The following CRTC3 variants were observed in gnomAD, a reference collection of about 807,000 sequenced individuals.
CRTC3 encodes CREB regulated transcription coactivator 3, also known as CREB-regulated transcription coactivator 3.
A neutral mutation model predicts 74.5 loss-of-function variants in CRTC3; 26 were observed. The observed-to-expected ratio is 0.35, with a 90% CI of 0.26 to 0.48. The LOEUF is 0.48. Among genes scored for constraint, CRTC3 ranks in the 20% least tolerant of loss-of-function variants. The probability of loss-of-function intolerance (pLI) is 0.99; values close to 1 mark genes in which losing one functional copy is unlikely to be tolerated. For synonymous variants in CRTC3, 377 were observed against 325.8 expected, an observed-to-expected ratio of 1.16 and a Z score of -1.69; for missense variants, 760 against 787.3, an observed-to-expected ratio of 0.97 and a Z score of 0.41.
chr15:90,553,832 G>A (rs954520746), intron 2 of CRTC3, among the ~76,000 whole-genome samples: 13 of 152,194 alleles, frequency 8.5e-5, no homozygotes, highest in Admixed American at 3.9e-4. Context: ...GAAGAGATGG[G>A]AATGTTTCCT....
chr15:90,584,196 C>T (rs1967606374), intron 2 of CRTC3, among the ~76,000 whole-genome samples: 1 of 151,456 alleles, frequency 6.6e-6, no homozygotes, highest in South Asian at 2.1e-4. Flanking sequence ...AGGAACCTGC[C>T]TTACTTCCTA....
intron 3 of CRTC3, among the ~76,000 whole-genome samples, chr15:90,600,825 G>A (rs1330070698): frequency 6.6e-6 from 1 of 152,220 alleles, no homozygotes; most frequent in Non-Finnish European, 1.5e-5. Context: ...ACTGCCGAAT[G>A]TATATTTAAT....
chr15:90,600,011 C>T (rs1968026772), intron 3 of CRTC3, among the ~76,000 whole-genome samples: 1 of 152,188 alleles, frequency 6.6e-6, no homozygotes, highest in Non-Finnish European at 1.5e-5. Context: ...TTTTGTCTGT[C>T]ACGGGCCTTA....
At chr15:90,624,908 A>C (rs1298720923) in intron 9 of CRTC3, 1 of 152,642 alleles carries the variant, frequency 6.6e-6, no homozygotes, top group African/African-American at 2.4e-5. Flanking sequence ...ATAGGCTGGG[A>C]TAGCTATGTG....
chr15:90,545,390 T>C (rs1966842447), intron 2 of CRTC3, among the ~76,000 whole-genome samples: 2 of 140,610 alleles, frequency 1.4e-5, no homozygotes, highest in African/African-American at 2.6e-5. Context: ...ATATGACAAT[T>C]GTGGTTTTAA....
At chr15:90,640,675 C>T (rs1462273113) in intron 13 of CRTC3, among the ~76,000 whole-genome samples, 1 of 128,340 alleles carries the variant, frequency 7.8e-6, no homozygotes, top group African/African-American at 3.6e-5. Context: ...GAGACCCTAT[C>T]TTTAAAAAAA....
intron 1 of CRTC3, among the ~76,000 whole-genome samples, chr15:90,532,633 C>T (rs908720013): frequency 6.6e-6 from 1 of 152,142 alleles, no homozygotes; most frequent in African/African-American, 2.4e-5. Flanking sequence ...TTCACCTAGG[C>T]GTTACTTATC....
chr15:90,612,561 A>C (rs1166655295), intron 6 of CRTC3, among the ~76,000 whole-genome samples: 1 of 151,562 alleles, frequency 6.6e-6, no homozygotes, highest in Non-Finnish European at 1.5e-5. Context: ...TAATAATTAA[A>C]CCTCGAGTGA....
intron 1 of CRTC3, among the ~76,000 whole-genome samples, chr15:90,536,933 G>A (rs1355101911): frequency 6.6e-6 from 1 of 152,188 alleles, no homozygotes; most frequent in Non-Finnish European, 1.5e-5. Flanking sequence ...GGAGAAGTTG[G>A]AAATCCATAT....
At chr15:90,608,564 C>T (rs887293664) in intron 6 of CRTC3, among the ~76,000 whole-genome samples, 1 of 152,190 alleles carries the variant, frequency 6.6e-6, no homozygotes, top group Non-Finnish European at 1.5e-5. Context: ...TCAGAGTTAT[C>T]GTGTCCTTCT....
At chr15:90,551,837 C>T (rs888600286) in intron 2 of CRTC3, among the ~76,000 whole-genome samples, 23 of 152,294 alleles carry the variant, frequency 1.5e-4, no homozygotes, top group African/African-American at 5.5e-4. Context: ...ATCAGATCTC[C>T]GCTTGGTAGA....
At chr15:90,563,488 C>T (rs1002038446) in intron 2 of CRTC3, among the ~76,000 whole-genome samples, 1 of 151,934 alleles carries the variant, frequency 6.6e-6, no homozygotes, top group South Asian at 2.1e-4. Flanking sequence ...TCAAGTGAAG[C>T]AGAGAGAAGA....
intron 2 of CRTC3, among the ~76,000 whole-genome samples, chr15:90,578,555 A>G (rs879719129): frequency 2.0e-5 from 3 of 151,184 alleles, no homozygotes; most frequent in Non-Finnish European, 4.4e-5. Context: ...CTCCATCTCA[A>G]AAAAAAAAGA....
chr15:90,629,822 A>C (rs1968974260), intron 11 of CRTC3, among the ~76,000 whole-genome samples: 1 of 152,154 alleles, frequency 6.6e-6, no homozygotes, highest in South Asian at 2.1e-4. Flanking sequence ...TCCCGGGCTC[A>C]AGCGATCTTC....
chr15:90,620,727 C>T (rs1270344751), intron 9 of CRTC3, among the ~76,000 whole-genome samples: 1 of 152,138 alleles, frequency 6.6e-6, no homozygotes, highest in African/African-American at 2.4e-5. Flanking sequence ...GAAGCCAATT[C>T]AGAAACAGCA....
At chr15:90,553,381 T>C (rs904147248) in intron 2 of CRTC3, among the ~76,000 whole-genome samples, 3 of 152,234 alleles carry the variant, frequency 2.0e-5, no homozygotes, top group African/African-American at 2.4e-5. Context: ...TTAATAGTTT[T>C]GGAATGTGCA....
intron 11 of CRTC3, among the ~76,000 whole-genome samples, chr15:90,633,922 C>T (rs1247397449): frequency 6.6e-6 from 1 of 151,616 alleles, no homozygotes; most frequent in African/African-American, 2.4e-5. Flanking sequence ...CTTTTTTGTT[C>T]TCTGAGTGTT....
intron 2 of CRTC3, among the ~76,000 whole-genome samples, chr15:90,572,859 A>G (rs1016912311): frequency 1.3e-5 from 2 of 152,196 alleles, no homozygotes; most frequent in African/African-American, 4.8e-5. Context: ...TACAGGCGTG[A>G]GCCACCATGC....
chr15:90,601,484 T>G (rs1968068367), intron 3 of CRTC3, among the ~76,000 whole-genome samples: 1 of 144,126 alleles, frequency 6.9e-6, no homozygotes, highest in Non-Finnish European at 1.6e-5. Context: ...ACCCTGTCTC[T>G]AATTAAAAAA....
Sources: gnomAD v4.1 joint callset for allele counts (sites outside exome capture counted in the v4.1 genomes callset) on GRCh38, gnomAD v4.1.1 for gene constraint, MANE v1.5 for transcripts, NCBI Gene and HGNC (gene_info 2026-07-23, HGNC 2026-07-21) for gene names.